DPP10: variants seen among roughly 807,000 people sequenced by gnomAD.
DPP10 encodes the protein dipeptidyl peptidase like 10.
Under a neutral mutation model 120.9 loss-of-function variants are expected in DPP10, and 33 were observed. The ratio of observed to expected loss-of-function variants is 0.27; its 90% CI spans 0.21 to 0.37. The LOEUF is 0.37. Among genes scored for constraint, DPP10 ranks in the 10% least tolerant of loss-of-function variants. The pLI is 1.00. For missense variants in DPP10, 816 were observed against 942.8 expected (o/e 0.87, Z 1.76); for synonymous variants, 337 against 326.1 (o/e 1.03, Z -0.36).
intron 1 of DPP10, among the ~76,000 whole-genome samples, chr2:114,656,586 T>G (rs1279113292): frequency 6.6e-6 from 1 of 152,182 alleles, no homozygotes; most frequent in Non-Finnish European, 1.5e-5. Flanking sequence ...TTTTCCTTAC[T>G]TGTGCAATAT....
intron 5 of DPP10, among the ~76,000 whole-genome samples, chr2:115,531,086 G>A (rs1471479360): frequency 2.0e-5 from 3 of 150,818 alleles, no homozygotes; most frequent in Middle Eastern, 3.3e-3. Context: ...AGTAGTTGGT[G>A]TTATTCTTCC....
chr2:115,055,593 C>T (rs1443935330), intron 1 of DPP10, among the ~76,000 whole-genome samples: 1 of 151,952 alleles, frequency 6.6e-6, no homozygotes, highest in Non-Finnish European at 1.5e-5. Flanking sequence ...TCATAGTAAA[C>T]CTCAAAAATA....
intron 1 of DPP10, among the ~76,000 whole-genome samples, chr2:114,588,432 C>A (rs944120961): frequency 6.6e-6 from 1 of 152,164 alleles, no homozygotes; most frequent in Non-Finnish European, 1.5e-5. Flanking sequence ...TAAAAGCAGA[C>A]TTTGGTCCTA....
At chr2:115,169,649 G>C (rs1400170) in intron 1 of DPP10, among the ~76,000 whole-genome samples, 4,455 of 152,234 alleles carry the variant, frequency 0.029, 68 homozygotes, top group African/African-American at 0.035. Context: ...GCCCAGGAAT[G>C]ATTTACTTAG....
chr2:114,942,378 CAT>C (rs60298358), intron 1 of DPP10, among the ~76,000 whole-genome samples: 70,061 of 120,354 alleles, frequency 0.58, 20,208 homozygotes, highest in East Asian at 0.67. Context: ...TATACACACA[CAT>C]ATATATATAT....
At chr2:114,786,811 G>C (rs1682806574) in intron 1 of DPP10, among the ~76,000 whole-genome samples, 1 of 152,060 alleles carries the variant, frequency 6.6e-6, no homozygotes, top group Non-Finnish European at 1.5e-5. Context: ...AAGCCACCTG[G>C]GCCAGCGCTG....
At position 115,018,138 on chromosome 2, in the gene DPP10, C is replaced by T. The variant is rs567935736; in HGVS notation, c.61-291101C>T. Among the ~76,000 whole-genome samples, 159 of 152,118 alleles carry T rather than the reference C, an allele frequency of 1.0e-3. 2 individuals are homozygous for T. The highest frequency in any genetic ancestry group is 3.7e-3 in the African/African-American group (153 of 41,508). The stretch of plus-strand genomic sequence containing the variant: ...ATCATCACTGTTCATTAGAGAAATG[C>T]AAATGAAAACCACAATGAGATACCA... On this transcript the variant is annotated intron_variant, in intron 1 of 25. Coordinates refer to ENST00000410059, the MANE Select transcript of DPP10 (RefSeq NM_020868.6).
intron 3 of DPP10, among the ~76,000 whole-genome samples, chr2:115,406,963 A>G (rs1420467311): frequency 6.6e-6 from 1 of 152,212 alleles, no homozygotes; most frequent in African/African-American, 2.4e-5. Flanking sequence ...CGACCAGAAA[A>G]TATTAGGCAT....
chr2:115,697,190 G>A (rs1170278377), intron 7 of DPP10, among the ~76,000 whole-genome samples: 1 of 151,974 alleles, frequency 6.6e-6, no homozygotes, highest in African/African-American at 2.4e-5. Context: ...AAGGGATATA[G>A]AAAAGAAATA....
chr2:114,673,703 G>GTC (rs1698492611), intron 1 of DPP10, among the ~76,000 whole-genome samples: 2 of 152,026 alleles, frequency 1.3e-5, no homozygotes, highest in Non-Finnish European at 2.9e-5. Context: ...TAATCTGCCT[G>GTC]TCTCGGCCTC....
At chr2:115,364,235 T>C (rs1000402868) in intron 3 of DPP10, among the ~76,000 whole-genome samples, 1 of 152,118 alleles carries the variant, frequency 6.6e-6, no homozygotes, top group African/African-American at 2.4e-5. Flanking sequence ...TTCCAATTGC[T>C]GCCTTCACTT....
rs112283949 is a variant in DPP10 at position 114,803,063 on chromosome 2, G to A, written c.60+360225G>A. Among the ~76,000 whole-genome samples, 1,407 of 152,200 alleles carry A rather than the reference G, an allele frequency of 9.2e-3. 26 individuals carry two copies. The highest frequency in any genetic ancestry group is 0.032 in the African/African-American group (1,338 of 41,510). On this transcript the variant is annotated intron_variant, in intron 1 of 25. Coordinates refer to ENST00000410059, the MANE Select transcript of DPP10 (RefSeq NM_020868.6). ...CCTACGTGTTGTACGAGGGACTCAC[G>A]GGGAGGTACTTGAATCATGGTGGCC...
chr2:114,573,964 C>T (rs6739682), intron 1 of DPP10, among the ~76,000 whole-genome samples: 140,191 of 152,234 alleles, frequency 0.92, 65,623 homozygotes, highest in East Asian at 1. Context: ...AGAATGATTA[C>T]TACATTTGAT....
intron 1 of DPP10, among the ~76,000 whole-genome samples, chr2:115,079,545 G>A (rs1708093366): frequency 6.6e-6 from 1 of 152,064 alleles, no homozygotes; most frequent in Non-Finnish European, 1.5e-5. Flanking sequence ...TCAGGGGAGT[G>A]TTGTGTGGAT....
chr2:115,232,943 T>TA (rs1045464772), intron 1 of DPP10, among the ~76,000 whole-genome samples: 1 of 152,012 alleles, frequency 6.6e-6, no homozygotes, highest in Non-Finnish European at 1.5e-5. Flanking sequence ...TGAAGCTCAG[T>TA]AAAAAAATAC....
At chr2:115,679,607 A>G (rs923177781) in intron 5 of DPP10, among the ~76,000 whole-genome samples, 1 of 152,240 alleles carries the variant, frequency 6.6e-6, no homozygotes, top group African/African-American at 2.4e-5. Flanking sequence ...GTCCATCACC[A>G]GCTGAATGAA....
intron 3 of DPP10, among the ~76,000 whole-genome samples, chr2:115,427,799 T>A (rs958421798): frequency 6.6e-6 from 1 of 152,240 alleles, no homozygotes; most frequent in African/African-American, 2.4e-5. Flanking sequence ...CTCCTAAAAA[T>A]GGGCTTTTTG....
intron 5 of DPP10, among the ~76,000 whole-genome samples, chr2:115,554,985 C>T (rs937467969): frequency 6.6e-6 from 1 of 152,046 alleles, no homozygotes; most frequent in South Asian, 2.1e-4. Context: ...ATCTTAAGCT[C>T]CTGTTGAGTA....
chr2:114,472,367 G>A (rs542176668), intron 1 of DPP10, among the ~76,000 whole-genome samples: 1 of 152,282 alleles, frequency 6.6e-6, no homozygotes, highest in South Asian at 2.1e-4. Context: ...TTATTTCAAT[G>A]GGGGCAGAGA....
Sources: allele counts gnomAD v4.1 joint callset (sites outside exome capture counted in the v4.1 genomes callset), GRCh38; gene constraint gnomAD v4.1.1; transcripts MANE v1.5; gene names NCBI Gene and HGNC (gene_info 2026-07-23, HGNC 2026-07-21).